The following DLG5 variants were observed in gnomAD, a reference collection of about 807,000 sequenced individuals.
The protein encoded by DLG5 is discs large MAGUK scaffold protein 5.
DLG5 carries 48 observed loss-of-function variants against 189.8 expected under a neutral mutation model. The ratio of observed to expected loss-of-function variants is 0.25; its 90% CI spans 0.20 to 0.32. The LOEUF (loss-of-function observed/expected upper bound fraction) is 0.32. Among genes scored for constraint, DLG5 ranks in the 10% least tolerant of loss-of-function variants. The pLI is 1.00. For missense variants in DLG5, 2,160 were observed against 2,544.7 expected (o/e 0.85, Z 3.25); for synonymous variants, 1,016 against 1,054.1 (o/e 0.96, Z 0.70).
intron 1 of DLG5, among the ~76,000 whole-genome samples, chr10:77,922,818 C>T (rs1290521036): frequency 6.6e-6 from 1 of 152,234 alleles, no homozygotes; most frequent in African/African-American, 2.4e-5. Context: ...AACAAAAAAA[C>T]CACAACACAG....
At chr10:77,878,221 C>T (rs923234717) in intron 1 of DLG5, among the ~76,000 whole-genome samples, 3 of 152,360 alleles carry the variant, frequency 2.0e-5, no homozygotes, top group South Asian at 2.1e-4. Flanking sequence ...GCAGGCTCTG[C>T]GTCAGACCGG....
intron 20 of DLG5, among the ~76,000 whole-genome samples, chr10:77,814,461 T>TATATATATA (rs1841938538): frequency 1.4e-5 from 1 of 70,700 alleles, no homozygotes; most frequent in Non-Finnish European, 3.1e-5. Context: ...TAAAGCATGT[T>TATATATATA]TATATATATA....
chr10:77,906,329 G>A (rs1846068564), intron 1 of DLG5, among the ~76,000 whole-genome samples: 1 of 152,212 alleles, frequency 6.6e-6, no homozygotes, highest in South Asian at 2.1e-4. Flanking sequence ...CGAGCTCAAG[G>A]TTGTGTTCCA....
chr10:77,830,290 G>A lies in DLG5; in HGVS notation c.1936C>T (p.Pro646Ser), dbSNP rs1302383664. ...ATGCCACAGTCCCCCGGGAAACAAG[G>A]CTCATTCACACCTTCTGCCATATCA... ...GFDMAEGVNE[P>S]CFPGDCGIFV... Residue 646 changes from proline (P) to serine (S), a missense_variant, in exon 11 of 32, where the codon CCT becomes TCT. By Grantham distance (74) the Pro-to-Ser change is moderately conservative. This residue lies in a region of DLG5 where 107 missense variants were observed against 214.5 expected (regional missense o/e 0.50). Transcript: ENST00000372391. 1 of 1,614,146 alleles carries A rather than the reference G, an allele frequency of 6.2e-7. No homozygotes were observed. Among genetic ancestry groups the A allele is most frequent in the South Asian group, 1.1e-5 (1 of 91,082 alleles).
intron 26 of DLG5, 31 bp downstream of exon 26, chr10:77,806,727 C>A: frequency 2.0e-6 from 3 of 1,520,442 alleles, no homozygotes; most frequent in Non-Finnish European, 1.8e-6. Context: ...GACCCCTGCC[C>A]CACCCCACCC....
In DLG5 at chr10:77,843,643, A is replaced by G; in HGVS notation, c.928T>C (p.Leu310=). 6.2e-7 allele frequency: 1 copy of G among 1,611,178 alleles called. No individual in the cohort carries two copies. Among genetic ancestry groups the G allele is most frequent in the African/African-American group, 1.3e-5 (1 of 74,106 alleles). Reference sequence around the variant, plus strand: ...TCATAGTCCTTCTTGACCACCTCCAACTTGTCCATGGCCGTGTCATACAGT... The same window carrying G: ...TCATAGTCCTTCTTGACCACCTCCAGCTTGTCCATGGCCGTGTCATACAGT... ...NKLYDTAMDK[L]EVVKKDYDAL... The change falls in exon 6 of 32, where the codon TTG becomes CTG. Residue 310 remains leucine (L), a synonymous_variant. Coordinates refer to ENST00000372391, the MANE Select transcript of DLG5 (RefSeq NM_004747.4).
chr10:77,871,284 A>C (rs1160626893), intron 1 of DLG5, among the ~76,000 whole-genome samples: 1 of 152,102 alleles, frequency 6.6e-6, no homozygotes, highest in Non-Finnish European at 1.5e-5. Flanking sequence ...CAGGTATGAA[A>C]AGCCTGAGGG....
intron 1 of DLG5, among the ~76,000 whole-genome samples, chr10:77,913,348 G>A (rs1038141768): frequency 2.6e-5 from 4 of 152,118 alleles, no homozygotes; most frequent in African/African-American, 9.7e-5. Context: ...GCAGTGGGTG[G>A]CCCTTGCTAA....
chr10:77,821,091 C>T lies in DLG5; in HGVS notation c.3393G>A (p.Gln1131=). 1 of 1,610,402 alleles carries T rather than the reference C, an allele frequency of 6.2e-7. No individual in the cohort carries two copies. The highest frequency in any genetic ancestry group is 1.1e-5 in the South Asian group (1 of 90,534). The change falls in exon 15 of 32, where the codon CAG becomes CAA. Residue 1131 remains glutamine (Q), a synonymous_variant. Coordinates refer to ENST00000372391, the MANE Select transcript of DLG5 (RefSeq NM_004747.4). Reference sequence around the variant, plus strand: ...TGGGGCTCAGCTATACCTCCAGGAACTGAGCAGGAATCACTACTGGAGCAA... The same window carrying T: ...TGGGGCTCAGCTATACCTCCAGGAATTGAGCAGGAATCACTACTGGAGCAA... The part of the protein sequence containing the change: ...PKLAPVVIPA[Q]FLEEQKCVPA...
At chr10:77,851,592 GA>G (rs1252477148) in intron 5 of DLG5, among the ~76,000 whole-genome samples, 1 of 152,148 alleles carries the variant, frequency 6.6e-6, no homozygotes, top group East Asian at 1.9e-4. Context: ...CACTGGGCCT[GA>G]CCTCACACGA....
intron 5 of DLG5, among the ~76,000 whole-genome samples, chr10:77,851,636 T>C (rs1843981359): frequency 6.6e-6 from 1 of 152,184 alleles, no homozygotes; most frequent in Non-Finnish European, 1.5e-5. Context: ...ACATAAAAAA[T>C]ACTTCTAATA....
chr10:77,915,209 C>A (rs910964994), intron 1 of DLG5, among the ~76,000 whole-genome samples: 1 of 151,970 alleles, frequency 6.6e-6, no homozygotes, highest in Non-Finnish European at 1.5e-5. Flanking sequence ...CACCTGTAAT[C>A]CCAGCTACTT....
intron 7 of DLG5, among the ~76,000 whole-genome samples, chr10:77,837,333 T>C (rs1240110239): frequency 6.6e-6 from 1 of 152,156 alleles, no homozygotes; most frequent in Non-Finnish European, 1.5e-5. Context: ...TGGATAGTTT[T>C]AGAGCTGACA....
At chr10:77,882,244 C>G (rs894387447) in intron 1 of DLG5, among the ~76,000 whole-genome samples, 5 of 152,216 alleles carry the variant, frequency 3.3e-5, no homozygotes, top group African/African-American at 1.2e-4. Flanking sequence ...GACATGGGCT[C>G]CCTCTGCTTT....
At chr10:77,797,012 C>G (rs933758845) in intron 27 of DLG5, among the ~76,000 whole-genome samples, 2 of 152,328 alleles carry the variant, frequency 1.3e-5, no homozygotes, top group Admixed American at 6.5e-5. Context: ...GAGGCCTCCC[C>G]AATCTGCACG....
At position 77,835,849 on chromosome 10, in the gene DLG5, G is replaced by C. The variant is rs754048378; in HGVS notation, c.1511C>G (p.Ala504Gly). 6.2e-7 allele frequency: 1 copy of C among 1,613,960 alleles called. No homozygotes were observed. Among genetic ancestry groups the C allele is most frequent in the African/African-American group, 1.3e-5 (1 of 74,916 alleles). Residue 504 changes from alanine to glycine, a missense_variant, in exon 8 of 32, where the codon GCT becomes GGT. Ala to Gly is a moderately conservative substitution (Grantham distance 60). Transcript: ENST00000372391. ...EVEILRKQCK[A>G]LCQELKEALQ... is the part of the protein sequence containing the mutation. The stretch of plus-strand genomic sequence containing the variant: ...GGCTTCCTTCAGCTCCTGGCACAGA[G>C]CCTTGCACTGCTTTCGAAGGATTTC...
In DLG5 at chr10:77,817,140, A is replaced by C. The variant is rs766835114; in HGVS notation, c.3785-44T>G. 3.9e-6 allele frequency: 6 copies of C among 1,545,842 alleles called. No individual in the cohort carries two copies. The South Asian group carries it at 6.7e-5, about 17-fold the overall frequency. Reference sequence around the variant, plus strand: ...ACAAAACTTCAGGCCTCATGGTTAAACACCACCCTGTCCTTCCTCTCCACC... The same window carrying C: ...ACAAAACTTCAGGCCTCATGGTTAACCACCACCCTGTCCTTCCTCTCCACC... On this transcript the variant is annotated intron_variant, in intron 18 of 31. Transcript: ENST00000372391.
At chr10:77,877,292 T>G (rs1845130213) in intron 1 of DLG5, among the ~76,000 whole-genome samples, 1 of 141,566 alleles carries the variant, frequency 7.1e-6, no homozygotes, top group South Asian at 2.2e-4. Context: ...GGTTTTGGTC[T>G]TTTTCTTTAC....
intron 1 of DLG5, among the ~76,000 whole-genome samples, chr10:77,900,570 C>T (rs892203108): frequency 2.0e-5 from 3 of 152,206 alleles, no homozygotes; most frequent in Admixed American, 1.3e-4. Context: ...GAGGCCAAGG[C>T]GGGTGGATCA....
Sources: allele counts gnomAD v4.1 joint callset (sites outside exome capture counted in the v4.1 genomes callset), GRCh38; gene constraint gnomAD v4.1.1; regional missense constraint gnomAD v4.1.1; transcripts MANE v1.5; gene names NCBI Gene and HGNC (gene_info 2026-07-23, HGNC 2026-07-21).